Variants in PLAAT3 observed in about 807,000 individuals in gnomAD.
The protein encoded by PLAAT3 is Ca-independent phospholipase A1/2.
In PLAAT3, 21 loss-of-function variants were observed where a neutral mutation model predicts 16.7. That is an observed-to-expected ratio of 1.26 (90% CI 0.89 to 1.81). PLAAT3 has a LOEUF of 1.81. Ranked by LOEUF, PLAAT3 falls within the 40% of genes most tolerant of loss-of-function variation. The pLI, the probability that PLAAT3 is intolerant of heterozygous loss-of-function variation, is 0.00. For synonymous variants in PLAAT3, 76 were observed against 81.7 expected, an observed-to-expected ratio of 0.93 and a Z score of 0.38; for missense variants, 219 against 213.7, an observed-to-expected ratio of 1.02 and a Z score of -0.16.
intron 3 of PLAAT3, among the ~76,000 whole-genome samples, chr11:63,597,420 G>A (rs1309875225): frequency 6.6e-6 from 1 of 152,160 alleles, no homozygotes; most frequent in Non-Finnish European, 1.5e-5. Flanking sequence ...CAGCTACTCA[G>A]GAGGCTGAGG....
At chr11:63,590,051 G>C (rs769192274) in intron 4 of PLAAT3, 49 bp downstream of exon 4, 2 of 1,581,528 alleles carry the variant, frequency 1.3e-6, no homozygotes, top group Admixed American at 1.7e-5. Context: ...TCCGTCAGCA[G>C]AGGGAATGGT....
intron 4 of PLAAT3, among the ~76,000 whole-genome samples, chr11:63,584,917 T>C (rs1036615534): frequency 6.6e-5 from 10 of 152,052 alleles, no homozygotes; most frequent in African/African-American, 2.4e-4. Context: ...ATGAGTTAAA[T>C]GAAAAGGAGA....
chr11:63,610,071 G>C (rs12294233), intron 2 of PLAAT3, among the ~76,000 whole-genome samples: 4,497 of 152,250 alleles, frequency 0.03, 199 homozygotes, highest in African/African-American at 0.1. Flanking sequence ...GTAGCACCAG[G>C]ATTCCGCAGC....
upstream of PLAAT3, among the ~76,000 whole-genome samples, chr11:63,615,792 G>A (rs1409927694): frequency 1.3e-5 from 2 of 151,144 alleles, no homozygotes; most frequent in Non-Finnish European, 2.9e-5. Flanking sequence ...CTCAGCCTCC[G>A]GAGTAGTTGG....
At position 63,575,062 on chromosome 11, in the gene PLAAT3, G is replaced by C; in HGVS notation, c.388-16C>G. On this transcript the variant is annotated splice_polypyrimidine_tract_variant and intron_variant, in intron 4 of 4. Coordinates refer to ENST00000415826, the MANE Select transcript of PLAAT3 (RefSeq NM_001128203.2). ...CATCTCTGACCTGCAACAAAGAAGA[G>C]GGTGGGTCACACTCTGTGTCAGGAT... 1 of 1,554,750 alleles carries C rather than the reference G, an allele frequency of 6.4e-7. No homozygotes were observed. Among genetic ancestry groups the C allele is most frequent in the Non-Finnish European group, 8.9e-7 (1 of 1,126,360 alleles).
rs1237162491 is a variant in PLAAT3 at position 63,614,002 on chromosome 11, T to C, written c.13A>G (p.Ile5Val). The change falls in exon 2 of 5, where the codon ATT (isoleucine) becomes GTT (valine). Residue 5 changes from isoleucine (I) to valine (V), a missense_variant and splice_region_variant. Transcript: ENST00000415826. ...GCCCCGCCTCGCCCCGCACTTACAA[T>C]GGGCGCACGCATCTTCCCTCGCGGT... The part of the protein sequence containing the change: MRAP[I>V]PEPKPGDLIE... 2 of 1,515,836 alleles carry C rather than the reference T, an allele frequency of 1.3e-6. No homozygotes were observed. The highest frequency in any genetic ancestry group is 2.3e-5 in the East Asian group (1 of 44,280). 93.9% of individuals were successfully genotyped at this position (1,515,836 alleles called of 1,614,324 possible). A position where few individuals can be genotyped will look rare whatever the true frequency, so the allele number is the denominator to read the frequency against.
intron 3 of PLAAT3, 98 bp from the exon 4 acceptor site, chr11:63,590,466 C>A: frequency 9.6e-7 from 1 of 1,042,108 alleles, no homozygotes; most frequent in Non-Finnish European, 1.4e-6. Context: ...TTGGCTCATC[C>A]ACAAAGGATA....
chr11:63,574,736 C>T lies in PLAAT3; in HGVS notation c.*209G>A. On this transcript the variant is annotated 3_prime_UTR_variant, in exon 5 of 5. Coordinates refer to ENST00000415826, the MANE Select transcript of PLAAT3 (RefSeq NM_001128203.2). ...AGACAATCCCTGACCAGGAAGACAGCCCGGCTGTTCCCTGAACAGACTTCA... is the reference window on the plus strand; with the variant it reads ...AGACAATCCCTGACCAGGAAGACAGTCCGGCTGTTCCCTGAACAGACTTCA... The T allele has an allele frequency of 1.8e-6, 1 of 552,208 alleles. No homozygotes were observed. The highest frequency in any genetic ancestry group is 3.2e-6 in the Non-Finnish European group (1 of 309,670). The allele number at this position is 552,208 out of a possible 1,614,324, so 34.2% of individuals were successfully genotyped here.
chr11:63,594,226 C>T (rs756494409), intron 3 of PLAAT3, among the ~76,000 whole-genome samples: 1 of 152,082 alleles, frequency 6.6e-6, no homozygotes, highest in Non-Finnish European at 1.5e-5. Flanking sequence ...AGTGGAGTTA[C>T]CAAGTAGTCA....
upstream of PLAAT3, among the ~76,000 whole-genome samples, chr11:63,615,912 C>G (rs1484641350): frequency 6.6e-6 from 1 of 152,202 alleles, no homozygotes; most frequent in Non-Finnish European, 1.5e-5. Context: ...AAATGACCCA[C>G]CTGCCTCAGC....
chr11:63,608,339 A>C (rs1938618598), intron 2 of PLAAT3: 1 of 152,256 alleles, frequency 6.6e-6, no homozygotes, highest in African/African-American at 2.4e-5. Context: ...AGGTGGGGAA[A>C]CTGGAGCTAA....
intron 1 of PLAAT3, 116 bp downstream of exon 1, chr11:63,614,269 A>G (rs1938774270): frequency 1.7e-6 from 1 of 581,094 alleles, no homozygotes; most frequent in Non-Finnish European, 3.1e-6. Flanking sequence ...GCGGCTCGGC[A>G]GGCTAGTCTA....
At chr11:63,577,159 C>T (rs1261850532) in intron 4 of PLAAT3, among the ~76,000 whole-genome samples, 3 of 149,630 alleles carry the variant, frequency 2.0e-5, no homozygotes, top group Non-Finnish European at 4.4e-5. Flanking sequence ...TGATGGTTGG[C>T]AAGTGCACTT....
At chr11:63,610,051 TC>T (rs1290227290) in intron 2 of PLAAT3, among the ~76,000 whole-genome samples, 1 of 152,074 alleles carries the variant, frequency 6.6e-6, no homozygotes, top group Non-Finnish European at 1.5e-5. Context: ...GTCTCGGAGC[TC>T]CCCGAAAAGT....
chr11:63,609,635 A>C (rs1590701402), intron 2 of PLAAT3, among the ~76,000 whole-genome samples: 1 of 152,220 alleles, frequency 6.6e-6, no homozygotes, highest in African/African-American at 2.4e-5. Context: ...CCAGATTCCC[A>C]GCCTCGGGCA....
intron 4 of PLAAT3, among the ~76,000 whole-genome samples, chr11:63,584,811 T>A (rs920926361): frequency 6.6e-6 from 1 of 151,648 alleles, no homozygotes; most frequent in Non-Finnish European, 1.5e-5. Flanking sequence ...CACCTGGCCA[T>A]AAATATTCTT....
intron 2 of PLAAT3, among the ~76,000 whole-genome samples, chr11:63,606,534 A>T (rs1209453752): frequency 6.6e-6 from 1 of 152,156 alleles, no homozygotes; most frequent in South Asian, 2.1e-4. Flanking sequence ...CAAAAAGCAG[A>T]GCGGAGCAGG....
At chr11:63,608,918 G>A (rs931168374) in intron 2 of PLAAT3, among the ~76,000 whole-genome samples, 2 of 152,128 alleles carry the variant, frequency 1.3e-5, no homozygotes, top group African/African-American at 4.8e-5. Context: ...ATGGGGATAG[G>A]TACAGCACCT....
chr11:63,608,749 GCT>G (rs1938626326), intron 2 of PLAAT3, among the ~76,000 whole-genome samples: 1 of 152,164 alleles, frequency 6.6e-6, no homozygotes, highest in East Asian at 1.9e-4. Flanking sequence ...GAGCATGAGT[GCT>G]CTGTTTTTAA....
Sources: allele counts gnomAD v4.1 joint callset (sites outside exome capture counted in the v4.1 genomes callset), GRCh38; gene constraint gnomAD v4.1.1; transcripts MANE v1.5; gene names NCBI Gene and HGNC (gene_info 2026-07-23, HGNC 2026-07-21).